MAP7: variants seen among roughly 807,000 people sequenced by gnomAD.
The protein encoded by MAP7 is ensconsin.
Under a neutral mutation model 94.8 loss-of-function variants are expected in MAP7, and 52 were observed. The ratio of observed to expected loss-of-function variants is 0.55; its 90% confidence interval spans 0.44 to 0.69. The LOEUF (loss-of-function observed/expected upper bound fraction) is 0.69. Ranked by LOEUF, MAP7 falls within the 30% of genes least tolerant of loss-of-function variation. The pLI, the probability that MAP7 is intolerant of heterozygous loss-of-function variation, is 0.00. For synonymous variants in MAP7, 350 were observed against 357.0 expected (o/e 0.98, Z 0.22); for missense variants, 940 against 964.6 (o/e 0.97, Z 0.34).
intron 3 of MAP7, among the ~76,000 whole-genome samples, chr6:136,395,826 C>T (rs916530490): frequency 6.6e-6 from 1 of 151,992 alleles, no homozygotes; most frequent in African/African-American, 2.4e-5. Context: ...CTTTCCCCAC[C>T]GAATGTTCTT....
intron 1 of MAP7, among the ~76,000 whole-genome samples, chr6:136,494,272 G>A (rs575153406): frequency 5.9e-5 from 9 of 152,328 alleles, no homozygotes; most frequent in African/African-American, 2.2e-4. Flanking sequence ...GTGATATGCA[G>A]TAGCTAAATT....
chr6:136,505,406 T>C (rs1229451887), intron 1 of MAP7, among the ~76,000 whole-genome samples: 1 of 150,180 alleles, frequency 6.7e-6, no homozygotes, highest in African/African-American at 2.5e-5. Context: ...ACATTAGCCA[T>C]AATGTCCTAA....
chr6:136,528,759 C>T (rs147689033), intron 1 of MAP7, among the ~76,000 whole-genome samples: 4 of 152,352 alleles, frequency 2.6e-5, no homozygotes, highest in African/African-American at 9.6e-5. Context: ...ATCCTGCTGT[C>T]GTGTAAATCC....
At chr6:136,507,990 C>A (rs1184033559) in intron 1 of MAP7, among the ~76,000 whole-genome samples, 1 of 152,160 alleles carries the variant, frequency 6.6e-6, no homozygotes, top group African/African-American at 2.4e-5. Context: ...AGAGCTACTC[C>A]TAGTACATTA....
chr6:136,406,032 A>G (rs1261024236), intron 3 of MAP7, among the ~76,000 whole-genome samples: 2 of 152,206 alleles, frequency 1.3e-5, no homozygotes, highest in Non-Finnish European at 1.5e-5. Context: ...TATTGAATGA[A>G]TACATAAAAT....
intron 1 of MAP7, among the ~76,000 whole-genome samples, chr6:136,549,420 T>C (rs915524992): frequency 1.9e-4 from 29 of 152,064 alleles, no homozygotes; most frequent in African/African-American, 6.8e-4. Flanking sequence ...ATTTGCAAGA[T>C]AGCCTCTGGA....
intron 1 of MAP7, among the ~76,000 whole-genome samples, chr6:136,444,773 T>TA (rs1798836107): frequency 6.6e-6 from 1 of 152,244 alleles, no homozygotes; most frequent in African/African-American, 2.4e-5. Flanking sequence ...AAACAAGTGT[T>TA]AAAGTTCAAA....
Position 136,545,867 on chromosome 6 carries a change from TG to T in MAP7, c.67+4474del, listed in dbSNP as rs374646798. On this transcript the variant is annotated intron_variant, in intron 1 of 17. Transcript: ENST00000354570. ...TGTGAAATAATTACATCATGGAGAA[TG>T]GGGTATCCATCCCCTCAAGCATTTA... 8.3e-4 allele frequency among the ~76,000 whole-genome samples: 127 copies of T among 152,334 alleles called. 3 individuals are homozygous for T. The South Asian group carries it at 0.026, about 31-fold the overall frequency.
chr6:136,418,075 G>T (rs774821254), intron 2 of MAP7, among the ~76,000 whole-genome samples: 24 of 152,316 alleles, frequency 1.6e-4, no homozygotes, highest in Non-Finnish European at 2.8e-4. Context: ...GTGGACAGAT[G>T]TGTAACTTTA....
chr6:136,535,285 C>T (rs1401322734), intron 1 of MAP7, among the ~76,000 whole-genome samples: 1 of 152,152 alleles, frequency 6.6e-6, no homozygotes, highest in Admixed American at 6.5e-5. Context: ...TGCCTGCTCC[C>T]GCTTCACCTT....
intron 1 of MAP7, among the ~76,000 whole-genome samples, chr6:136,540,398 G>A (rs2129059687): frequency 6.6e-6 from 1 of 151,684 alleles, no homozygotes; most frequent in East Asian, 2.0e-4. Context: ...AGGGGCAGGA[G>A]GGAGAGGAAG....
At chr6:136,503,311 G>A (rs578016925) in intron 1 of MAP7, among the ~76,000 whole-genome samples, 13 of 150,094 alleles carry the variant, frequency 8.7e-5, no homozygotes, top group South Asian at 4.2e-4. Context: ...AGGAAGTGAA[G>A]CAAGAAGAAG....
intron 1 of MAP7, among the ~76,000 whole-genome samples, chr6:136,506,377 C>A (rs904601370): frequency 6.6e-6 from 1 of 152,080 alleles, no homozygotes; most frequent in South Asian, 2.1e-4. Context: ...ACACAAACCA[C>A]ACTTGAAAGT....
In MAP7 at chr6:136,360,694, T is replaced by G. The variant is rs1344599352; in HGVS notation, c.1803+3A>C. On this transcript the variant is annotated splice_donor_region_variant and intron_variant, in intron 13 of 17. Coordinates refer to ENST00000354570, the MANE Select transcript of MAP7 (RefSeq NM_003980.6). Reference sequence around the variant, plus strand: ...CCGGGCCTCTCTACTAAGACGCAGCTACCTTCTTTCTCTCCAGGCGCTCTT... The same window carrying G: ...CCGGGCCTCTCTACTAAGACGCAGCGACCTTCTTTCTCTCCAGGCGCTCTT... The G allele has an allele frequency of 6.2e-7, 1 of 1,613,884 alleles. No individual in the cohort carries two copies. Among genetic ancestry groups the G allele is most frequent in the Non-Finnish European group, 8.5e-7 (1 of 1,179,916 alleles).
intron 16 of MAP7, among the ~76,000 whole-genome samples, chr6:136,354,123 T>TATATTA (rs1554228726): frequency 1.3e-4 from 19 of 142,174 alleles, no homozygotes; most frequent in African/African-American, 2.8e-4. Flanking sequence ...TATATATATA[T>TATATTA]TATATATATA....
At chr6:136,394,935 T>TATATATATATATATAC (rs1228685859) in intron 3 of MAP7, among the ~76,000 whole-genome samples, 1 of 80,882 alleles carries the variant, frequency 1.2e-5, no homozygotes, top group African/African-American at 5.9e-5. Context: ...TTCCATCATA[T>TATATATATATATATAC]ATATATATAT....
chr6:136,472,527 G>T (rs559599892), intron 1 of MAP7, among the ~76,000 whole-genome samples: 15 of 152,070 alleles, frequency 9.9e-5, no homozygotes, highest in Non-Finnish European at 2.1e-4. Context: ...CATATAATTT[G>T]ATGTTTCCTT....
intron 1 of MAP7, among the ~76,000 whole-genome samples, chr6:136,432,791 TTTTA>T (rs1190879616): frequency 2.6e-5 from 4 of 152,190 alleles, no homozygotes; most frequent in African/African-American, 9.6e-5. Context: ...CTAATTTTAC[TTTTA>T]TTTATTAGAT....
chr6:136,388,887 TG>T (rs1779908107), intron 4 of MAP7, among the ~76,000 whole-genome samples: 1 of 152,196 alleles, frequency 6.6e-6, no homozygotes, highest in East Asian at 1.9e-4. Flanking sequence ...TCTGAGAACA[TG>T]GGTAACCCTG....
Sources: gnomAD v4.1 joint callset for allele counts (sites outside exome capture counted in the v4.1 genomes callset) on GRCh38, gnomAD v4.1.1 for gene constraint, MANE v1.5 for transcripts, NCBI Gene and HGNC (gene_info 2026-07-23, HGNC 2026-07-21) for gene names.